DSG3: variants seen among roughly 807,000 people sequenced by gnomAD.
DSG3 encodes the protein desmoglein-3.
DSG3 carries 63 observed loss-of-function variants against 85.9 expected under a neutral mutation model. The ratio of observed to expected loss-of-function variants is 0.73; its 90% confidence interval spans 0.60 to 0.90. The LOEUF (loss-of-function observed/expected upper bound fraction) is 0.90, where lower values mean the gene tolerates loss of function less well. Among genes scored for constraint, DSG3 ranks in the 40% least tolerant of loss-of-function variants. The pLI is 0.00. For synonymous variants in DSG3, 447 were observed against 441.9 expected, an observed-to-expected ratio of 1.01 and a Z score of -0.14; for missense variants, 1,220 against 1,219.9, an observed-to-expected ratio of 1.00 and a Z score of 0.00.
chr18:31,467,868 C>T (rs2072831639), intron 11 of DSG3, among the ~76,000 whole-genome samples: 2 of 152,174 alleles, frequency 1.3e-5, no homozygotes, highest in Non-Finnish European at 2.9e-5. Flanking sequence ...TCCTTGGGCC[C>T]TCACACTTCT....
At position 31,464,339 on chromosome 18, in the gene DSG3, C is replaced by G; in HGVS notation, c.1228C>G (p.Gln410Glu). Residue 410 changes from glutamine (Q) to glutamate (E), a missense_variant, in exon 9 of 16, where the codon CAA becomes GAA. Physicochemically the swap from Gln to Glu is conservative, Grantham distance 29. Transcript: ENST00000257189. ...KLVDYILGTY[Q>E]AIDEDTNKAA... Reference sequence around the variant, plus strand: ...GGTGGATTATATCCTGGGAACATATCAAGCCATCGATGAGGACACTAACAA... The same window carrying G: ...GGTGGATTATATCCTGGGAACATATGAAGCCATCGATGAGGACACTAACAA... 2.5e-6 allele frequency: 4 copies of G among 1,614,018 alleles called. No homozygotes were observed. Among genetic ancestry groups the G allele is most frequent in the East Asian group, 2.2e-5 (1 of 44,866 alleles).
At position 31,459,061 on chromosome 18, in the gene DSG3, G is replaced by T; in HGVS notation, c.401G>T (p.Gly134Val). 6.2e-7 allele frequency: 1 copy of T among 1,613,734 alleles called. No individual in the cohort carries two copies. The highest frequency in any genetic ancestry group is 8.5e-7 in the Non-Finnish European group (1 of 1,179,948). The change falls in exon 5 of 16, where the codon GGA becomes GTA. Residue 134 changes from glycine (G) to valine (V), a missense_variant. Physicochemically the swap from Gly to Val is moderately radical, Grantham distance 109. Transcript: ENST00000257189. ...ACATGTCGGGCTCTAAATGCCCAAGGACTAGATGTAGAGAAACCACTTATA... is the reference window on the plus strand; with the variant it reads ...ACATGTCGGGCTCTAAATGCCCAAGTACTAGATGTAGAGAAACCACTTATA... ...LITCRALNAQ[G>V]LDVEKPLILT... is the part of the protein sequence containing the mutation.
rs2072883515 is a variant in DSG3 at position 31,475,876 on chromosome 18, A to G, written c.2616A>G (p.Pro872=). The G allele has an allele frequency of 6.2e-7, 1 of 1,614,038 alleles. No individual in the cohort carries two copies. The highest frequency in any genetic ancestry group is 1.1e-5 in the South Asian group (1 of 91,088). ...ATGGTGAAGGCAAAGAAGTTCAGCC[A>G]CCCTCTAAAGACAGCGGTTATGGGA... is the stretch of plus-strand genomic sequence containing the variant. The part of the protein sequence containing the change: ...GVDGEGKEVQ[P]PSKDSGYGIE... The change falls in exon 16 of 16, where the codon CCA becomes CCG. Residue 872 remains proline (P), a synonymous_variant. Coordinates refer to ENST00000257189, the MANE Select transcript of DSG3 (RefSeq NM_001944.3).
intron 8 of DSG3, 22 bp downstream of exon 8, chr18:31,461,434 T>C (rs920985017): frequency 6.3e-7 from 1 of 1,583,864 alleles, no homozygotes; most frequent in Non-Finnish European, 8.6e-7. Flanking sequence ...CTTCCCTTCA[T>C]TGGTAAAAAA....
chr18:31,455,790 T>C (rs2072738624), intron 1 of DSG3, among the ~76,000 whole-genome samples: 1 of 152,216 alleles, frequency 6.6e-6, no homozygotes, highest in African/African-American at 2.4e-5. Flanking sequence ...CTCTGAAAAT[T>C]AAGTTCAATA....
intron 6 of DSG3, 122 bp downstream of exon 6, chr18:31,460,133 G>T: frequency 9.6e-7 from 1 of 1,036,608 alleles, no homozygotes. Context: ...TACTTAACTT[G>T]GCTAATCTAG....
chr18:31,473,726 G>A (rs1385775649), intron 14 of DSG3, among the ~76,000 whole-genome samples: 2 of 152,128 alleles, frequency 1.3e-5, no homozygotes, highest in Non-Finnish European at 2.9e-5. Flanking sequence ...ATTACATTAC[G>A]TATGTTTCCT....
intron 15 of DSG3, among the ~76,000 whole-genome samples, chr18:31,474,933 T>C (rs1037215037): frequency 5.9e-5 from 9 of 152,168 alleles, no homozygotes; most frequent in African/African-American, 1.9e-4. Context: ...ATTTCCTGTA[T>C]CATAAAGGAT....
rs1359664167 is a variant in DSG3 at position 31,460,884 on chromosome 18, G to C, written c.736G>C (p.Gly246Arg). The C allele has an allele frequency of 6.2e-7, 1 of 1,600,550 alleles. No individual in the cohort carries two copies. Among genetic ancestry groups the C allele is most frequent in the East Asian group, 2.3e-5 (1 of 44,358 alleles). The change falls in exon 7 of 16, where the codon GGA (glycine) becomes CGA (arginine). Residue 246 changes from glycine (G) to arginine (R), a missense_variant. Transcript: ENST00000257189. Reference protein sequence around the residue: ...VVSGADKDGEGLSTQCECNIK... With the variant: ...VVSGADKDGERLSTQCECNIK... ...GAGTGGTGCAGACAAAGATGGAGAA[G>C]GACTATCAACTCAATGTGAATGTAA...
intron 8 of DSG3, among the ~76,000 whole-genome samples, chr18:31,463,552 T>C (rs2072798773): frequency 1.3e-5 from 2 of 152,132 alleles, no homozygotes; most frequent in African/African-American, 4.8e-5. Flanking sequence ...CTTCTGAAAA[T>C]GAGTCCACAA....
At chr18:31,451,245 C>A (rs1356273634) in intron 1 of DSG3, among the ~76,000 whole-genome samples, 1 of 152,042 alleles carries the variant, frequency 6.6e-6, no homozygotes, top group Admixed American at 6.5e-5. Context: ...TGTAGTCCAC[C>A]AAATCCGAAA....
In DSG3 at chr18:31,474,347, T is replaced by C. The variant is rs1216522478; in HGVS notation, c.2328T>C (p.Asn776=). Residue 776 remains asparagine, a synonymous_variant, in exon 15 of 16, where the codon AAT becomes AAC. Coordinates refer to ENST00000257189, the MANE Select transcript of DSG3 (RefSeq NM_001944.3). Reference sequence around the variant, plus strand: ...CAAGGCATTCCACTGGAGGAACCAATAAGGACTACGCTGATGGGGCGATAA... The same window carrying C: ...CAAGGCATTCCACTGGAGGAACCAACAAGGACTACGCTGATGGGGCGATAA... ...MRTRHSTGGT[N]KDYADGAISM... is the part of the protein sequence containing the mutation. 1 of 1,614,204 alleles carries C rather than the reference T, an allele frequency of 6.2e-7. No individual in the cohort carries two copies. The highest frequency in any genetic ancestry group is 1.3e-5 in the African/African-American group (1 of 75,042).
chr18:31,460,237 A>T lies in DSG3; in HGVS notation c.684+226A>T, dbSNP rs2072775579. Among the ~76,000 whole-genome samples, 3 of 152,206 alleles carry T rather than the reference A, an allele frequency of 2.0e-5. No homozygotes were observed. In the South Asian group the frequency reaches 6.2e-4, roughly 31 times the overall value. ...GTTGTACCCTGAACATACCAGTGGA[A>T]GTTAAATAGGGGCAATGAAAGAAGG... On this transcript the variant is annotated intron_variant, in intron 6 of 15. Coordinates refer to ENST00000257189, the MANE Select transcript of DSG3 (RefSeq NM_001944.3).
Position 31,459,182 on chromosome 18 carries a change from G to C in DSG3, c.517+5G>C, listed in dbSNP as rs775867792. On this transcript the variant is annotated splice_donor_5th_base_variant and intron_variant, in intron 5 of 15. Coordinates refer to ENST00000257189, the MANE Select transcript of DSG3 (RefSeq NM_001944.3). Reference sequence around the variant, plus strand: ...TTGAAGAAAATAGTGCCTCAAGTAAGTCTTTTACAGTACTTACCACTTTCA... The same window carrying C: ...TTGAAGAAAATAGTGCCTCAAGTAACTCTTTTACAGTACTTACCACTTTCA... The C allele has an allele frequency of 2.0e-5, 33 of 1,610,182 alleles. No individual in the cohort carries two copies. The highest frequency in any genetic ancestry group is 2.8e-5 in the Non-Finnish European group (33 of 1,179,180).
intron 8 of DSG3, 23 bp downstream of exon 8, chr18:31,461,435 TG>T: frequency 6.3e-7 from 1 of 1,582,258 alleles, no homozygotes; most frequent in South Asian, 1.2e-5. Flanking sequence ...TTCCCTTCAT[TG>T]GTAAAAAAAA....
At chr18:31,465,025 G>A (rs188805166) in intron 9 of DSG3, among the ~76,000 whole-genome samples, 10 of 151,734 alleles carry the variant, frequency 6.6e-5, no homozygotes, top group African/African-American at 1.7e-4. Flanking sequence ...CCAGCTACTC[G>A]GGAGGCTGAG....
At chr18:31,461,605 C>G (rs186387837) in intron 8 of DSG3, among the ~76,000 whole-genome samples, 193 bp downstream of exon 8, 1 of 152,186 alleles carries the variant, frequency 6.6e-6, no homozygotes, top group African/African-American at 2.4e-5. Flanking sequence ...TGAACTCATT[C>G]CAAGCTATTG....
At position 31,476,432 on chromosome 18, in the gene DSG3, T is replaced by C; in HGVS notation, c.*172T>C. On this transcript the variant is annotated 3_prime_UTR_variant, in exon 16 of 16. Transcript: ENST00000257189. Reference sequence around the variant, plus strand: ...GTTTGGGTTCATACCCCAAAAGCAATATGTTGTCACTCCTAATTCTCAAGT... The same window carrying C: ...GTTTGGGTTCATACCCCAAAAGCAACATGTTGTCACTCCTAATTCTCAAGT... 4.5e-6 allele frequency: 3 copies of C among 663,786 alleles called. No homozygotes were observed. The highest frequency in any genetic ancestry group is 7.0e-6 in the Non-Finnish European group (3 of 428,248). The allele number at this position is 663,786 out of a possible 1,614,324, so 41.1% of individuals were successfully genotyped here. A position where few individuals can be genotyped will look rare whatever the true frequency, so the allele number is the denominator to read the frequency against.
intron 3 of DSG3, among the ~76,000 whole-genome samples, chr18:31,457,604 CTTTCTTTCT>C (rs1568086533): frequency 6.2e-5 from 6 of 96,628 alleles, no homozygotes; most frequent in African/African-American, 2.7e-4. Flanking sequence ...TTCTTTCTTT[CTTTCTTTCT>C]TTCTTTCTTT....
Sources: allele counts gnomAD v4.1 joint callset (sites outside exome capture counted in the v4.1 genomes callset), GRCh38; gene constraint gnomAD v4.1.1; transcripts MANE v1.5; gene names NCBI Gene and HGNC (gene_info 2026-07-23, HGNC 2026-07-21).